SLC23A2: variants seen among roughly 807,000 people sequenced by gnomAD.
The protein encoded by SLC23A2 is solute carrier family 23 member 2.
In SLC23A2, 36 loss-of-function variants were observed where a neutral mutation model predicts 73.3. That is an observed-to-expected ratio of 0.49 (90% CI 0.38 to 0.65). The LOEUF (loss-of-function observed/expected upper bound fraction) is 0.65, where lower values mean the gene tolerates loss of function less well. SLC23A2 is among the 30% of genes least tolerant of loss of function. SLC23A2 has a pLI of 0.00. For synonymous variants in SLC23A2, 343 were observed against 327.3 expected, an observed-to-expected ratio of 1.05 and a Z score of -0.52; for missense variants, 507 against 841.6, an observed-to-expected ratio of 0.60 and a Z score of 4.92.
chr20:4,896,737 A>T (rs1931537086), intron 6 of SLC23A2, among the ~76,000 whole-genome samples: 1 of 152,136 alleles, frequency 6.6e-6, no homozygotes, highest in Non-Finnish European at 1.5e-5. Context: ...ATCCCCTGGG[A>T]TGGTCCTCAC....
chr20:4,877,833 T>G (rs959797251), intron 9 of SLC23A2, among the ~76,000 whole-genome samples: 1 of 152,182 alleles, frequency 6.6e-6, no homozygotes, highest in Non-Finnish European at 1.5e-5. Flanking sequence ...AAAATGTAGG[T>G]CCTACCAAGG....
rs372579772 is a variant in SLC23A2 at position 4,873,911 on chromosome 20, C to T, written c.1102+25G>A. ...CAGTTGGGCCCTCGTGGGCTCTTGA[C>T]CCCTCTAGCCATCAGAATACTTACA... On this transcript the variant is annotated intron_variant, in intron 11 of 16. Transcript: ENST00000338244. 5.0e-6 allele frequency: 8 copies of T among 1,600,480 alleles called. No homozygotes were observed. In the African/African-American group the frequency reaches 1.1e-4, roughly 22 times the overall value.
At chr20:4,924,671 C>T (rs2122924302) in intron 3 of SLC23A2, among the ~76,000 whole-genome samples, 1 of 152,348 alleles carries the variant, frequency 6.6e-6, no homozygotes, top group African/African-American at 2.4e-5. Context: ...CCAGGCACCC[C>T]CCTGCTGTGG....
intron 3 of SLC23A2, among the ~76,000 whole-genome samples, chr20:4,916,568 T>C (rs1932328463): frequency 6.6e-6 from 1 of 152,200 alleles, no homozygotes. Flanking sequence ...AAATCATCTG[T>C]ATACATGGCA....
chr20:4,901,773 G>C (rs1184951167), intron 5 of SLC23A2, among the ~76,000 whole-genome samples: 1 of 152,196 alleles, frequency 6.6e-6, no homozygotes, highest in Non-Finnish European at 1.5e-5. Context: ...TCATGGCAGA[G>C]GTTACCATGA....
Position 4,904,680 on chromosome 20 carries a change from C to T in SLC23A2, c.208-2122G>A, listed in dbSNP as rs576158205. ...GGTGGTGCTGCTGCTCACAAAGTAA[C>T]ATGACAAAGTATTTCATAACAAAGA... On this transcript the variant is annotated intron_variant, in intron 4 of 16. Coordinates refer to ENST00000338244, the MANE Select transcript of SLC23A2 (RefSeq NM_005116.6). 1.7e-4 allele frequency among the ~76,000 whole-genome samples: 26 copies of T among 152,356 alleles called. No individual in the cohort carries two copies. In the South Asian group the frequency reaches 5.4e-3, roughly 32 times the overall value.
At chr20:5,003,109 C>A (rs527261512), upstream of SLC23A2, among the ~76,000 whole-genome samples, 3 of 152,140 alleles carry the variant, frequency 2.0e-5, no homozygotes, top group Non-Finnish European at 4.4e-5. Context: ...TGCGGCCGGG[C>A]GCGGTGGCTC....
At chr20:4,913,591 T>C (rs1277679050) in intron 3 of SLC23A2, among the ~76,000 whole-genome samples, 2 of 151,888 alleles carry the variant, frequency 1.3e-5, no homozygotes, top group Non-Finnish European at 1.5e-5. Context: ...AAATAACTAG[T>C]TTTTGTTTTT....
intron 2 of SLC23A2, among the ~76,000 whole-genome samples, chr20:4,966,376 G>GT (rs996976891): frequency 1.8e-4 from 28 of 152,220 alleles, no homozygotes; most frequent in African/African-American, 6.7e-4. Flanking sequence ...TTGCTCAGTG[G>GT]TAAGTAAAGC....
intron 1 of SLC23A2, among the ~76,000 whole-genome samples, chr20:5,008,289 A>G (rs2088212605): frequency 6.6e-6 from 1 of 152,106 alleles, no homozygotes; most frequent in South Asian, 2.1e-4. Context: ...ACAGAGTGAG[A>G]CCTTGTCTCC....
intron 2 of SLC23A2, among the ~76,000 whole-genome samples, chr20:4,935,186 C>CA (rs34200051): frequency 0.34 from 22,868 of 67,522 alleles, 3,994 homozygotes; most frequent in Non-Finnish European, 0.46. Context: ...GACTCCGTCT[C>CA]AAAAAAAAAA....
chr20:4,859,223 C>CA (rs1929857726), intron 16 of SLC23A2, 66 bp downstream of exon 16: 6 of 931,524 alleles, frequency 6.4e-6, no homozygotes, highest in Non-Finnish European at 8.3e-6. Flanking sequence ...TTCTATTTGG[C>CA]AAAAAAAGTA....
Position 4,854,887 on chromosome 20 carries a change from T to C in SLC23A2, c.*2085A>G, listed in dbSNP as rs1198382502. 1 of 152,342 alleles carries C rather than the reference T, an allele frequency of 6.6e-6. No homozygotes were observed. Among genetic ancestry groups the C allele is most frequent in the Non-Finnish European group, 1.5e-5 (1 of 68,036 alleles). 9.4% of individuals were successfully genotyped at this position (152,342 alleles called of 1,614,324 possible). On this transcript the variant is annotated 3_prime_UTR_variant, in exon 17 of 17. Transcript: ENST00000338244. Reference sequence around the variant, plus strand: ...GGAGAGCTAGAAGATTGCAAATCTCTGGGATGTTTAGCAGTTTTCCCCATT... The same window carrying C: ...GGAGAGCTAGAAGATTGCAAATCTCCGGGATGTTTAGCAGTTTTCCCCATT...
chr20:4,983,087 G>C (rs1033195747), intron 1 of SLC23A2, among the ~76,000 whole-genome samples: 1 of 150,908 alleles, frequency 6.6e-6, no homozygotes, highest in Non-Finnish European at 1.5e-5. Flanking sequence ...CCTGGGCAAC[G>C]AGAGTGAAAC....
chr20:4,963,541 TA>T (rs11355760), intron 2 of SLC23A2, among the ~76,000 whole-genome samples: 60,404 of 148,544 alleles, frequency 0.41, 12,348 homozygotes, highest in Admixed American at 0.48. Context: ...GCTTTCTTAT[TA>T]AAAAAAAAAA....
intron 1 of SLC23A2, among the ~76,000 whole-genome samples, chr20:4,989,436 C>T (rs2087889256): frequency 6.6e-6 from 1 of 152,098 alleles, no homozygotes; most frequent in East Asian, 1.9e-4. Flanking sequence ...GGACCGAAGT[C>T]TGAACACAAA....
upstream of SLC23A2, among the ~76,000 whole-genome samples, chr20:5,003,341 G>A (rs1422766793): frequency 1.3e-5 from 2 of 152,032 alleles, no homozygotes; most frequent in East Asian, 1.9e-4. Flanking sequence ...CCGAGATCGC[G>A]CCACCGCACT....
chr20:4,888,610 C>T (rs1166384780), intron 6 of SLC23A2, among the ~76,000 whole-genome samples: 1 of 152,164 alleles, frequency 6.6e-6, no homozygotes, highest in Non-Finnish European at 1.5e-5. Context: ...TGCCAGAGGC[C>T]CCCCATGTCC....
chr20:4,969,043 T>C (rs1342292070), intron 2 of SLC23A2, among the ~76,000 whole-genome samples: 1 of 151,750 alleles, frequency 6.6e-6, no homozygotes, highest in Non-Finnish European at 1.5e-5. Flanking sequence ...TAGTAGTAAG[T>C]AGAGACTTCT....
Sources: gnomAD v4.1 joint callset for allele counts (sites outside exome capture counted in the v4.1 genomes callset) on GRCh38, gnomAD v4.1.1 for gene constraint, MANE v1.5 for transcripts, NCBI Gene and HGNC (gene_info 2026-07-23, HGNC 2026-07-21) for gene names.